Variants in NXPE2 observed in about 807,000 individuals in gnomAD.
The protein encoded by NXPE2 is NXPE family member 2.
Under a neutral mutation model 34.4 loss-of-function variants are expected in NXPE2, and 34 were observed. The observed-to-expected ratio is 0.99, with a 90% CI of 0.75 to 1.31. NXPE2 has a LOEUF of 1.31. Among genes scored for constraint, NXPE2 ranks in the 40% most tolerant of loss-of-function variants. The pLI is 0.00. For missense variants in NXPE2, 649 were observed against 672.5 expected (o/e 0.97, Z 0.39); for synonymous variants, 235 against 231.3 (o/e 1.02, Z -0.15).
the NXPE2 span, among the ~76,000 whole-genome samples, chr11:114,632,636 T>A: frequency 1.0e-5 from 1 of 98,610 alleles, no homozygotes; most frequent in Non-Finnish European, 1.8e-5. Context: ...ATATAATAAA[T>A]GTAAATAATA....
the NXPE2 span, among the ~76,000 whole-genome samples, chr11:114,476,682 A>G: frequency 6.6e-6 from 1 of 152,150 alleles, no homozygotes; most frequent in Non-Finnish European, 1.5e-5. Flanking sequence ...GCCCCTTATA[A>G]AACCATCAGA....
At chr11:114,632,095 TATA>T in the NXPE2 span, among the ~76,000 whole-genome samples, 3 of 144,934 alleles carry the variant, frequency 2.1e-5, no homozygotes, top group African/African-American at 5.0e-5. Context: ...ATATTGTAAA[TATA>T]ATGTAATATA....
the NXPE2 span, among the ~76,000 whole-genome samples, chr11:114,611,416 T>G: frequency 1.3e-5 from 2 of 151,708 alleles, no homozygotes; most frequent in Non-Finnish European, 2.9e-5. Context: ...GGATAATAAG[T>G]ATTGCCTCTA....
chr11:114,701,425 A>G (rs1951362687), intron 3 of NXPE2, among the ~76,000 whole-genome samples: 1 of 152,128 alleles, frequency 6.6e-6, no homozygotes, highest in Non-Finnish European at 1.5e-5. Context: ...GGTCCTAATC[A>G]GGCTTCTCAA....
At chr11:114,779,483 G>A in the NXPE2 span, among the ~76,000 whole-genome samples, 259 of 152,200 alleles carry the variant, frequency 1.7e-3, no homozygotes, top group African/African-American at 5.7e-3. Flanking sequence ...CACTTGGAGC[G>A]GGGAGATCGG....
the NXPE2 span, among the ~76,000 whole-genome samples, chr11:114,803,581 TCTC>T: frequency 7.4e-6 from 1 of 135,774 alleles, no homozygotes; most frequent in African/African-American, 2.8e-5. Context: ...TCTCTCTCTC[TCTC>T]TTTTTTTTTT....
At chr11:114,617,650 T>G in the NXPE2 span, among the ~76,000 whole-genome samples, 1 of 152,126 alleles carries the variant, frequency 6.6e-6, no homozygotes, top group Non-Finnish European at 1.5e-5. Context: ...TAATAAGTGT[T>G]GCCTCTAGGG....
the NXPE2 span, among the ~76,000 whole-genome samples, chr11:114,551,736 A>G: frequency 5.3e-4 from 81 of 152,194 alleles, no homozygotes; most frequent in African/African-American, 1.9e-3. Flanking sequence ...CTCCTTCAGG[A>G]ATGAATTACT....
rs1375633480 is a variant in NXPE2, at chr11:114,697,401, C to T, written c.133-644C>T. ...GAGACATGTATGGAATATATTCTTT[C>T]GCAAAGCGTCTATAAGGAACCAACC... On this transcript the variant is annotated intron_variant, in intron 2 of 5. Transcript: ENST00000389586. Among the ~76,000 whole-genome samples the T allele has an allele frequency of 4.6e-5, 7 of 152,206 alleles. 1 individual carries two copies. The highest frequency in any genetic ancestry group is 6.5e-5 in the Admixed American group (1 of 15,284).
chr11:114,665,719 T>A, the NXPE2 span, among the ~76,000 whole-genome samples: 7 of 152,082 alleles, frequency 4.6e-5, no homozygotes, highest in Non-Finnish European at 1.0e-4. Flanking sequence ...GTGGCAAACA[T>A]CCACAGATGA....
At chr11:114,530,898 G>C in the NXPE2 span, 1 of 1,605,710 alleles carries the variant, frequency 6.2e-7, no homozygotes, top group Admixed American at 1.7e-5. Context: ...TAAGTTTAGA[G>C]CAGACCAAAG....
chr11:114,557,725 T>G, the NXPE2 span, among the ~76,000 whole-genome samples: 5 of 150,046 alleles, frequency 3.3e-5, no homozygotes, highest in Non-Finnish European at 5.9e-5. Flanking sequence ...TTTTCATTCT[T>G]CTTTGCCGTT....
the NXPE2 span, among the ~76,000 whole-genome samples, chr11:114,550,951 T>C: frequency 3.3e-5 from 5 of 152,030 alleles, no homozygotes; most frequent in Non-Finnish European, 7.4e-5. Flanking sequence ...GTGTCCACAA[T>C]GCCTCTAAGG....
chr11:114,620,781 T>C, the NXPE2 span, among the ~76,000 whole-genome samples: 4 of 151,848 alleles, frequency 2.6e-5, no homozygotes, highest in African/African-American at 9.7e-5. Flanking sequence ...CACTGTTACC[T>C]GGTGGATAAT....
At chr11:114,794,078 T>C in the NXPE2 span, among the ~76,000 whole-genome samples, 1 of 152,126 alleles carries the variant, frequency 6.6e-6, no homozygotes, top group East Asian at 1.9e-4. Flanking sequence ...GATCCCCCCA[T>C]ACATGTGCCA....
chr11:114,531,825 G>A, the NXPE2 span, among the ~76,000 whole-genome samples: 1 of 152,082 alleles, frequency 6.6e-6, no homozygotes, highest in Non-Finnish European at 1.5e-5. Context: ...CAACCTCAGA[G>A]GTCACTTATG....
chr11:114,750,035 C>A, the NXPE2 span, among the ~76,000 whole-genome samples: 6 of 152,160 alleles, frequency 3.9e-5, no homozygotes, highest in Admixed American at 6.5e-5. Context: ...TCTCACCCAC[C>A]CAGGCTCAGA....
the NXPE2 span, among the ~76,000 whole-genome samples, chr11:114,731,213 A>T: frequency 6.6e-6 from 1 of 152,186 alleles, no homozygotes; most frequent in African/African-American, 2.4e-5. Context: ...AAATTAAAAA[A>T]ATAGAAATAA....
chr11:114,717,831 G>A, the NXPE2 span, among the ~76,000 whole-genome samples: 1 of 152,152 alleles, frequency 6.6e-6, no homozygotes, highest in Non-Finnish European at 1.5e-5. Context: ...TAGGTTTGTT[G>A]GGGGAGAGTG....
Sources: gnomAD v4.1 joint callset for allele counts (sites outside exome capture counted in the v4.1 genomes callset) on GRCh38, gnomAD v4.1.1 for gene constraint, MANE v1.5 for transcripts, NCBI Gene and HGNC (gene_info 2026-07-23, HGNC 2026-07-21) for gene names.